The following PIEZO1 variants were observed in gnomAD, a reference collection of about 807,000 sequenced individuals.
The protein encoded by PIEZO1 is piezo type mechanosensitive ion channel component 1 (Er blood group).
In PIEZO1, 296 loss-of-function variants were observed where a neutral mutation model predicts 297.2. That is an observed-to-expected ratio of 1.00 (90% CI 0.91 to 1.10). PIEZO1 has a LOEUF of 1.10. Ranked by LOEUF, PIEZO1 falls within the 50% of genes least tolerant of loss-of-function variation. The probability of loss-of-function intolerance (pLI) is 0.00; values close to 1 mark genes in which losing one functional copy is unlikely to be tolerated. For missense variants in PIEZO1, 5,018 were observed against 3,455.5 expected, an observed-to-expected ratio of 1.45 and a Z score of -11.34; for synonymous variants, 2,427 against 1,507.5, an observed-to-expected ratio of 1.61 and a Z score of -14.13.
chr16:88,748,628 G>C (rs537127438), intron 2 of PIEZO1, among the ~76,000 whole-genome samples: 3 of 152,292 alleles, frequency 2.0e-5, no homozygotes, highest in Admixed American at 2.0e-4. Flanking sequence ...AGCCTGCAGA[G>C]AGTGGGCAGT....
At chr16:88,765,666 T>C (rs114122632) in intron 1 of PIEZO1, among the ~76,000 whole-genome samples, 6,586 of 145,792 alleles carry the variant, frequency 0.045, 497 homozygotes, top group African/African-American at 0.16. Flanking sequence ...TCGTTATCTC[T>C]AATTTTTTTT....
intron 1 of PIEZO1, among the ~76,000 whole-genome samples, chr16:88,749,799 G>A (rs765816469): frequency 9.9e-5 from 15 of 152,144 alleles, no homozygotes; most frequent in Non-Finnish European, 1.5e-4. Flanking sequence ...AGGCCAAGGC[G>A]GGCGGATCAC....
chr16:88,761,343 T>C (rs1228721211), intron 1 of PIEZO1, among the ~76,000 whole-genome samples: 1 of 152,186 alleles, frequency 6.6e-6, no homozygotes, highest in Non-Finnish European at 1.5e-5. Context: ...GGTGGAACAG[T>C]GGCACCTGCA....
Position 88,785,018 on chromosome 16 carries a change from G to A in PIEZO1, c.-54C>T. The A allele has an allele frequency of 1.8e-6, 2 of 1,106,212 alleles. No homozygotes were observed. Among genetic ancestry groups the A allele is most frequent in the Non-Finnish European group, 2.3e-6 (2 of 885,116 alleles). 68.5% of individuals were successfully genotyped at this position (1,106,212 alleles called of 1,614,324 possible). A position where few individuals can be genotyped will look rare whatever the true frequency, so the allele number is the denominator to read the frequency against. ...CCGAGCGGACGCCGCGGCGCTATGG[G>A]GCGGTGCGGGGGCCCCGGGGCCGGC... On this transcript the variant is annotated 5_prime_UTR_variant, in exon 1 of 51. Transcript: ENST00000301015.
intron 38 of PIEZO1, 26 bp downstream of exon 38, chr16:88,721,512 C>T (rs1177580037): frequency 4.5e-6 from 7 of 1,542,028 alleles, no homozygotes; most frequent in Admixed American, 2.0e-5. Context: ...CCCAGCCCCG[C>T]ATTGCCAGCC....
rs1681766628 is a variant in PIEZO1 at position 88,725,438 on chromosome 16, G to A, written c.4140C>T (p.Pro1380=). Residue 1380 remains proline, a synonymous_variant, in exon 29 of 51, where the codon CCC becomes CCT. Coordinates refer to ENST00000301015, the MANE Select transcript of PIEZO1 (RefSeq NM_001142864.4). ...CACCTGGCTCCAGGCCGGGGTCCTT[G>A]GGGCCCAGGGTGTCCTGGGGGCGAC... is the stretch of plus-strand genomic sequence containing the variant. ...DRSRPQDTLG[P]KDPGLEPGPD... 11 of 1,468,360 alleles carry A rather than the reference G, an allele frequency of 7.5e-6. No individual in the cohort carries two copies. Among genetic ancestry groups the A allele is most frequent in the Non-Finnish European group, 9.9e-6 (11 of 1,108,584 alleles). 91.0% of individuals were successfully genotyped at this position (1,468,360 alleles called of 1,614,324 possible). A position where few individuals can be genotyped will look rare whatever the true frequency, so the allele number is the denominator to read the frequency against.
chr16:88,742,023 GC>G (rs1905710839), intron 4 of PIEZO1, 29 bp downstream of exon 4: 1 of 1,534,366 alleles, frequency 6.5e-7, no homozygotes, highest in African/African-American at 1.4e-5. Context: ...AGGGAGGCTT[GC>G]TGGTTGGGGG....
Position 88,737,800 on chromosome 16 carries a change from T to G in PIEZO1, c.1035A>C (p.Ala345=). The G allele has an allele frequency of 6.5e-7, 1 of 1,535,808 alleles. No homozygotes were observed. Among genetic ancestry groups the G allele is most frequent in the Non-Finnish European group, 8.7e-7 (1 of 1,146,726 alleles). Residue 345 remains alanine (A), a synonymous_variant, in exon 9 of 51, where the codon GCA becomes GCC. Coordinates refer to ENST00000301015, the MANE Select transcript of PIEZO1 (RefSeq NM_001142864.4). ...CCAGCTCCCGAGCCTCATACCCCTT[T>G]GCCGCCTCCTTCCTCTGCAGAGACC... is the stretch of plus-strand genomic sequence containing the variant. The part of the protein sequence containing the change: ...YRPSGQRKEA[A]KGYEARELEL...
At chr16:88,743,909 T>C (rs1905865753) in intron 2 of PIEZO1, 2 of 303,352 alleles carry the variant, frequency 6.6e-6, no homozygotes, top group Admixed American at 4.4e-5. Context: ...GAAGGAGGAA[T>C]GGAAAACCGT....
At chr16:88,748,566 C>T (rs1215449123) in intron 2 of PIEZO1, among the ~76,000 whole-genome samples, 1 of 151,176 alleles carries the variant, frequency 6.6e-6, no homozygotes, top group East Asian at 1.9e-4. Context: ...GCGGTCCAGG[C>T]GGCTGGAACT....
At chr16:88,752,634 G>A (rs561114881) in intron 1 of PIEZO1, among the ~76,000 whole-genome samples, 1 of 152,328 alleles carries the variant, frequency 6.6e-6, no homozygotes, top group African/African-American at 2.4e-5. Flanking sequence ...AGATGAGGGA[G>A]GGGCTGGAGC....
chr16:88,718,057 T>G, intron 44 of PIEZO1: 1 of 253,362 alleles, frequency 3.9e-6, no homozygotes, highest in Non-Finnish European at 7.9e-6. Context: ...CACTTCAGCC[T>G]GAGATCCTAT....
Position 88,715,666 on chromosome 16 carries a change from T to G in PIEZO1, c.7505A>C (p.Lys2502Thr). 1 of 1,550,322 alleles carries G rather than the reference T, an allele frequency of 6.5e-7. No homozygotes were observed. Among genetic ancestry groups the G allele is most frequent in the Non-Finnish European group, 8.7e-7 (1 of 1,146,942 alleles). ...CGGTGAGCGGTAGAGGAAGATGAGC[T>G]TGGCGTACAACTCCTCCTCCAGCTC... Reference protein sequence around the residue: ...ELELEEELYAKLIFLYRSPET... With the variant: ...ELELEEELYATLIFLYRSPET... The change falls in exon 51 of 51, where the codon AAG becomes ACG. Residue 2502 changes from lysine (K) to threonine (T), a missense_variant. By Grantham distance (78) the Lys-to-Thr change is moderately conservative (BLOSUM62 -1). Coordinates refer to ENST00000301015, the MANE Select transcript of PIEZO1 (RefSeq NM_001142864.4).
intron 1 of PIEZO1, among the ~76,000 whole-genome samples, chr16:88,764,701 G>A (rs1340941308): frequency 6.6e-6 from 1 of 150,638 alleles, no homozygotes; most frequent in Non-Finnish European, 1.5e-5. Flanking sequence ...CAGTGAGCTG[G>A]GATCGCACCA....
At chr16:88,760,791 G>C (rs1161326630) in intron 1 of PIEZO1, among the ~76,000 whole-genome samples, 1 of 152,264 alleles carries the variant, frequency 6.6e-6, no homozygotes, top group Non-Finnish European at 1.5e-5. Flanking sequence ...GAGGTAAACG[G>C]AATGTTCCTC....
At position 88,734,370 on chromosome 16, in the gene PIEZO1, C is replaced by T. The variant is rs568582297; in HGVS notation, c.2166G>A (p.Pro722=). Residue 722 remains proline (P), a synonymous_variant, in exon 16 of 51, where the codon CCG becomes CCA. Transcript: ENST00000301015. ...CGGGGCCGCACCTGTGAGCCCAGCG[C>T]GGGAGGCGCGTGCCAGGCAGGGACA... ...EHVSLPGTRL[P]RWAHRQDAVS... is the part of the protein sequence containing the mutation. 65 of 1,538,928 alleles carry T rather than the reference C, an allele frequency of 4.2e-5. No homozygotes were observed. In the African/African-American group the frequency reaches 4.8e-4, roughly 11 times the overall value.
chr16:88,767,401 G>C (rs1473695023), intron 1 of PIEZO1, among the ~76,000 whole-genome samples: 1 of 152,038 alleles, frequency 6.6e-6, no homozygotes, highest in African/African-American at 2.4e-5. Flanking sequence ...CCCCAGCCCT[G>C]ATCCCCCAGA....
rs1180327776 is a variant in PIEZO1 at position 88,716,042 on chromosome 16, A to G, written c.7207T>C (p.Trp2403Arg). ...CACTCCTGCAGCTCGATGACCCACC[A>G]TTCGAGGAAGCCGGTGGCCCCCGCA... Reference protein sequence around the residue: ...QGAGATGFLEWWVIELQECRT... With the variant: ...QGAGATGFLERWVIELQECRT... The change falls in exon 50 of 51, where the codon TGG becomes CGG. Residue 2403 changes from tryptophan to arginine, a missense_variant. Transcript: ENST00000301015. 1.3e-6 allele frequency: 2 copies of G among 1,550,080 alleles called. No individual in the cohort carries two copies. Among genetic ancestry groups the G allele is most frequent in the Non-Finnish European group, 1.7e-6 (2 of 1,146,914 alleles).
chr16:88,764,626 C>T (rs1011060032), intron 1 of PIEZO1, among the ~76,000 whole-genome samples: 1 of 151,868 alleles, frequency 6.6e-6, no homozygotes, highest in Non-Finnish European at 1.5e-5. Context: ...TGGCACGTAC[C>T]TGTAATCCCA....
Sources: gnomAD v4.1 joint callset for allele counts (sites outside exome capture counted in the v4.1 genomes callset) on GRCh38, gnomAD v4.1.1 for gene constraint, MANE v1.5 for transcripts, NCBI Gene and HGNC (gene_info 2026-07-23, HGNC 2026-07-21) for gene names.